The following ARHGEF28 variants were observed in gnomAD, a reference collection of about 807,000 sequenced individuals.
ARHGEF28 encodes the protein Rho guanine nucleotide exchange factor 28.
ARHGEF28 carries 152 observed loss-of-function variants against 206.6 expected under a neutral mutation model. That is an observed-to-expected ratio of 0.74 (90% CI 0.64 to 0.84). ARHGEF28 has a LOEUF of 0.84. Ranked by LOEUF, ARHGEF28 falls within the 40% of genes least tolerant of loss-of-function variation. ARHGEF28 has a pLI of 0.00. For missense variants in ARHGEF28, 2,028 were observed against 2,073.2 expected, an observed-to-expected ratio of 0.98 and a Z score of 0.42; for synonymous variants, 763 against 776.4, an observed-to-expected ratio of 0.98 and a Z score of 0.29.
chr5:73,636,355 T>C (rs1458526290), intron 1 of ARHGEF28, among the ~76,000 whole-genome samples: 2 of 152,234 alleles, frequency 1.3e-5, no homozygotes, highest in African/African-American at 4.8e-5. Context: ...TTAAAGAAAC[T>C]ACATCTTGAC....
At chr5:73,810,312 T>C (rs1755766807) in intron 9 of ARHGEF28, among the ~76,000 whole-genome samples, 1 of 152,220 alleles carries the variant, frequency 6.6e-6, no homozygotes, top group Admixed American at 6.5e-5. Flanking sequence ...ATGTATTGGT[T>C]AGGTCGTTCA....
chr5:73,923,593 A>G (rs1305835275), intron 35 of ARHGEF28, among the ~76,000 whole-genome samples: 1 of 152,206 alleles, frequency 6.6e-6, no homozygotes, highest in African/African-American at 2.4e-5. Context: ...GTCAGGTTCA[A>G]TCTCTTGCCT....
chr5:73,669,114 G>A (rs1476752933), intron 1 of ARHGEF28, among the ~76,000 whole-genome samples: 1 of 151,960 alleles, frequency 6.6e-6, no homozygotes, highest in Non-Finnish European at 1.5e-5. Flanking sequence ...CTGTAGGGTG[G>A]GTGTGAATTT....
chr5:73,854,310 A>G (rs1351740231), intron 14 of ARHGEF28, among the ~76,000 whole-genome samples: 2 of 152,218 alleles, frequency 1.3e-5, no homozygotes, highest in Non-Finnish European at 2.9e-5. Context: ...GGGGACATCC[A>G]TGTAAAAAAT....
chr5:73,937,336 A>G (rs949238557), intron 35 of ARHGEF28, among the ~76,000 whole-genome samples: 1 of 148,862 alleles, frequency 6.7e-6, no homozygotes. Context: ...GTTTGTGAAC[A>G]AAAGCTCAGT....
chr5:73,940,340 A>G (rs372247130), intron 35 of ARHGEF28, among the ~76,000 whole-genome samples: 24 of 152,290 alleles, frequency 1.6e-4, no homozygotes, highest in African/African-American at 5.8e-4. Flanking sequence ...TCTGTGATTA[A>G]CAGCATAATG....
rs533209184 is a variant in ARHGEF28, at chr5:73,705,916, C to T, written c.33+21032C>T. Among the ~76,000 whole-genome samples, 53 of 152,280 alleles carry T rather than the reference C, an allele frequency of 3.5e-4. No homozygotes were observed. The South Asian group carries it at 6.0e-3, about 17-fold the overall frequency. ...TGCAAACCAGTGACTCCCTGTCTAC[C>T]GTCTGCTTAGACCCAGGTTTCAGAA... On this transcript the variant is annotated intron_variant, in intron 2 of 35. Coordinates refer to ENST00000513042, the MANE Select transcript of ARHGEF28 (RefSeq NM_001177693.2).
intron 9 of ARHGEF28, among the ~76,000 whole-genome samples, chr5:73,828,741 T>A (rs1406597716): frequency 6.6e-6 from 1 of 151,948 alleles, no homozygotes; most frequent in Non-Finnish European, 1.5e-5. Flanking sequence ...TCTTTCTCTT[T>A]CTTTCTCTCT....
chr5:73,785,663 C>T (rs779013627), intron 7 of ARHGEF28, among the ~76,000 whole-genome samples: 13 of 152,184 alleles, frequency 8.5e-5, no homozygotes, highest in East Asian at 1.9e-4. Context: ...TGTATGAATC[C>T]GCTTAAAAAA....
intron 35 of ARHGEF28, among the ~76,000 whole-genome samples, chr5:73,912,796 C>T (rs151003927): frequency 4.1e-4 from 63 of 152,258 alleles, no homozygotes; most frequent in African/African-American, 1.5e-3. Context: ...CAATAGAGAG[C>T]AGATTGCAGA....
intron 9 of ARHGEF28, among the ~76,000 whole-genome samples, chr5:73,797,678 C>T (rs914783634): frequency 2.6e-5 from 4 of 152,222 alleles, no homozygotes; most frequent in African/African-American, 9.6e-5. Context: ...GGCACCACAT[C>T]TGGCCTCTTT....
intron 9 of ARHGEF28, among the ~76,000 whole-genome samples, chr5:73,822,679 G>A (rs1364533082): frequency 6.6e-6 from 1 of 152,180 alleles, no homozygotes; most frequent in Non-Finnish European, 1.5e-5. Flanking sequence ...CTGGAGTGCA[G>A]TGACAAGAAC....
At chr5:73,630,015 G>A (rs116105574) in intron 1 of ARHGEF28, among the ~76,000 whole-genome samples, 2,127 of 152,278 alleles carry the variant, frequency 0.014, 67 homozygotes, top group African/African-American at 0.049. Flanking sequence ...CCTTTCCAAA[G>A]CCAGCAGGCA....
At chr5:73,908,798 A>G (rs1429389365) in intron 33 of ARHGEF28, 1 of 152,172 alleles carries the variant, frequency 6.6e-6, no homozygotes, top group Non-Finnish European at 1.5e-5. Context: ...ATATAACAGT[A>G]ATGAGACTAG....
At chr5:73,754,622 T>C (rs1385462407) in intron 4 of ARHGEF28, among the ~76,000 whole-genome samples, 1 of 152,156 alleles carries the variant, frequency 6.6e-6, no homozygotes, top group African/African-American at 2.4e-5. Context: ...ATTAATAAAA[T>C]ATTTTTAATA....
At chr5:73,906,784 A>AT (rs905407560) in intron 33 of ARHGEF28, among the ~76,000 whole-genome samples, 44 of 149,456 alleles carry the variant, frequency 2.9e-4, no homozygotes, top group South Asian at 1.7e-3. Context: ...ATTGTGAATA[A>AT]TTTTTTTTTT....
At chr5:73,874,352 A>G (rs1760298413) in intron 22 of ARHGEF28, among the ~76,000 whole-genome samples, 1 of 152,018 alleles carries the variant, frequency 6.6e-6, no homozygotes, top group Non-Finnish European at 1.5e-5. Context: ...GATGAAGTCT[A>G]GTTTATTTTT....
intron 9 of ARHGEF28, chr5:73,803,568 G>C (rs1173365139): frequency 3.0e-5 from 5 of 164,114 alleles, no homozygotes; most frequent in Non-Finnish European, 7.2e-5. Context: ...CCGAATGACA[G>C]AGGAGAACTT....
At chr5:73,627,471 C>T (rs1743079765) in intron 1 of ARHGEF28, among the ~76,000 whole-genome samples, 2 of 152,142 alleles carry the variant, frequency 1.3e-5, no homozygotes, top group Admixed American at 1.3e-4. Context: ...GTGGCATCTA[C>T]TTTGTACATG....
Sources: gnomAD v4.1 joint callset for allele counts (sites outside exome capture counted in the v4.1 genomes callset) on GRCh38, gnomAD v4.1.1 for gene constraint, MANE v1.5 for transcripts, NCBI Gene and HGNC (gene_info 2026-07-23, HGNC 2026-07-21) for gene names.